NCOR2: variants seen among roughly 807,000 people sequenced by gnomAD.
NCOR2 encodes the protein CTG repeat protein 26.
NCOR2 carries 81 observed loss-of-function variants against 262.9 expected under a neutral mutation model. That is an observed-to-expected ratio of 0.31 (90% CI 0.26 to 0.37). The LOEUF is 0.37. Ranked by LOEUF, NCOR2 falls within the 10% of genes least tolerant of loss-of-function variation. The pLI, the probability that NCOR2 is intolerant of heterozygous loss-of-function variation, is 1.00. For synonymous variants in NCOR2, 1,659 were observed against 1,559.3 expected, an observed-to-expected ratio of 1.06 and a Z score of -1.51; for missense variants, 3,385 against 3,621.4, an observed-to-expected ratio of 0.93 and a Z score of 1.68.
rs572286300 is a variant in NCOR2, at chr12:124,410,182, C to T, written c.1483-7621G>A. The stretch of plus-strand genomic sequence containing the variant: ...TCCAGCAGCCCAGCTTGAGATGTCC[C>T]CCAGGCCCCCTCGATCCTGACCGAT... On this transcript the variant is annotated intron_variant, in intron 13 of 46. Transcript: ENST00000405201. 4.0e-5 allele frequency among the ~76,000 whole-genome samples: 6 copies of T among 149,000 alleles called. No individual in the cohort carries two copies. In the South Asian group the frequency reaches 1.4e-3, roughly 35 times the overall value.
At chr12:124,418,433 A>T (rs955901588) in intron 13 of NCOR2, among the ~76,000 whole-genome samples, 8 of 151,590 alleles carry the variant, frequency 5.3e-5, no homozygotes, top group Non-Finnish European at 7.4e-5. Context: ...GGCTGGTCTC[A>T]ACACCTTATG....
chr12:124,553,110 C>T (rs1344253430), intron 1 of NCOR2, among the ~76,000 whole-genome samples: 1 of 152,204 alleles, frequency 6.6e-6, no homozygotes, highest in Non-Finnish European at 1.5e-5. Context: ...CTGTCCATCA[C>T]CCTTTATGGC....
intron 16 of NCOR2, among the ~76,000 whole-genome samples, chr12:124,387,455 G>C (rs1297945089): frequency 3.3e-5 from 5 of 152,228 alleles, no homozygotes; most frequent in South Asian, 4.1e-4. Flanking sequence ...TCGGTTCAGA[G>C]GGTCCCGCCA....
intron 1 of NCOR2, chr12:124,556,407 C>A (rs1357126256): frequency 6.6e-6 from 1 of 152,326 alleles, no homozygotes; most frequent in African/African-American, 2.4e-5. Context: ...TGCTCTAGAA[C>A]CTGGGACACA....
rs1244065 is a variant in NCOR2 at position 124,347,928 on chromosome 12, G to A, written c.3986-17C>T. Reference sequence around the variant, plus strand: ...CCATGAGACCTGGGTAGGAGAGGGTGAGGCCATCATTCCGTGGCTCCCTGA... The same window carrying A: ...CCATGAGACCTGGGTAGGAGAGGGTAAGGCCATCATTCCGTGGCTCCCTGA... On this transcript the variant is annotated splice_polypyrimidine_tract_variant and intron_variant, in intron 29 of 46. Coordinates refer to ENST00000405201, the Ensembl canonical transcript of NCOR2. 0.83 allele frequency: 1,283,283 copies of A among 1,553,818 alleles called. 531,924 individuals are homozygous for A. Among genetic ancestry groups the A allele is most frequent in the Admixed American group, 0.87 (44,338 of 51,242 alleles).
At chr12:124,363,177 C>T (rs2038753042) in intron 21 of NCOR2, among the ~76,000 whole-genome samples, 1 of 152,246 alleles carries the variant, frequency 6.6e-6, no homozygotes, top group African/African-American at 2.4e-5. Context: ...CAAGGGACCA[C>T]CAGCCTGGTC....
In NCOR2 at chr12:124,403,679, C is replaced by T. The variant is rs531903017; in HGVS notation, c.1483-1118G>A. Reference sequence around the variant, plus strand: ...CAAACCAGGGAGCAAGAACTCCAAGCAGATGGAAGAGGAGGGATCGGGGAG... The same window carrying T: ...CAAACCAGGGAGCAAGAACTCCAAGTAGATGGAAGAGGAGGGATCGGGGAG... On this transcript the variant is annotated intron_variant, in intron 13 of 46. Transcript: ENST00000405201. 3.9e-5 allele frequency among the ~76,000 whole-genome samples: 6 copies of T among 152,310 alleles called. No homozygotes were observed. In the South Asian group the frequency reaches 1.2e-3, roughly 32 times the overall value.
At position 124,440,440 on chromosome 12, in the gene NCOR2, G is replaced by A. The variant is rs1343977237; in HGVS notation, c.816-2444C>T. Reference sequence around the variant, plus strand: ...TGGCCGCCGCCCCCCGGCCAGGGTGGGCCATGGGGGTCCTCAGTCCCACAG... The same window carrying A: ...TGGCCGCCGCCCCCCGGCCAGGGTGAGCCATGGGGGTCCTCAGTCCCACAG... On this transcript the variant is annotated intron_variant, in intron 7 of 46. Coordinates refer to ENST00000405201, the Ensembl canonical transcript of NCOR2. This position sits in a 1 kb window ranked among gnomAD's most constrained non-coding sequence, Gnocchi z 5.7. Among the ~76,000 whole-genome samples, 4 of 152,182 alleles carry A rather than the reference G, an allele frequency of 2.6e-5. No homozygotes were observed. Among genetic ancestry groups the A allele is most frequent in the Non-Finnish European group, 5.9e-5 (4 of 68,030 alleles).
In NCOR2 at chr12:124,516,427, C is replaced by T. The variant is rs7305706; in HGVS notation, c.-118+19138G>A. On this transcript the variant is annotated intron_variant, in intron 1 of 46. Transcript: ENST00000404621. ...CCAAACAAAGGCAGAGCCTGGGAAG[C>T]ACCCACTCGACCTACCTCCCATTAT... Among the ~76,000 whole-genome samples, 1,516 of 152,334 alleles carry T rather than the reference C, an allele frequency of 1.0e-2. 24 individuals carry two copies. Among genetic ancestry groups the T allele is most frequent in the African/African-American group, 0.034 (1,434 of 41,570 alleles).
rs3782273 is a variant in NCOR2, at chr12:124,437,803, C to T, written c.882+127G>A. 5.6e-5 allele frequency: 45 copies of T among 801,036 alleles called. No homozygotes were observed. In the East Asian group the frequency reaches 1.1e-3, roughly 19 times the overall value. 49.6% of individuals were successfully genotyped at this position (801,036 alleles called of 1,614,324 possible). On this transcript the variant is annotated intron_variant, in intron 8 of 46. Transcript: ENST00000405201. ...TCCTGGCCGGCCTTGGCTTTTCCTC[C>T]GCAGCCTGGACACTCAGGGAGGACA...
At chr12:124,387,196 T>TTTCATTCATTCA (rs373449303) in intron 16 of NCOR2, among the ~76,000 whole-genome samples, 2 of 147,568 alleles carry the variant, frequency 1.4e-5, no homozygotes, top group South Asian at 2.1e-4. Context: ...GTGTTGGTAT[T>TTTCATTCATTCA]TTCATTCATT....
chr12:124,532,189 G>A (rs1040491510), intron 1 of NCOR2, among the ~76,000 whole-genome samples: 1 of 152,112 alleles, frequency 6.6e-6, no homozygotes, highest in Non-Finnish European at 1.5e-5. Context: ...GCGAGTGTCG[G>A]CCCTGAGGTC....
chr12:124,451,986 T>TC (rs2045576915), intron 6 of NCOR2, among the ~76,000 whole-genome samples: 1 of 152,112 alleles, frequency 6.6e-6, no homozygotes, highest in Admixed American at 6.5e-5. Context: ...AATTCCAGGC[T>TC]CCTGCTCAGC....
intron 16 of NCOR2, among the ~76,000 whole-genome samples, chr12:124,394,415 C>T (rs2041524592): frequency 6.6e-6 from 1 of 152,214 alleles, no homozygotes; most frequent in Admixed American, 6.5e-5. Context: ...CACCAAAACC[C>T]CAGGAAGGTG....
At chr12:124,438,558 G>C (rs769954152) in intron 7 of NCOR2, among the ~76,000 whole-genome samples, 5 of 151,740 alleles carry the variant, frequency 3.3e-5, no homozygotes, top group South Asian at 2.1e-4. Flanking sequence ...AAACCCCCGG[G>C]CGGGGGCGGT....
At chr12:124,459,556 CCTGA>C (rs2046054332) in intron 5 of NCOR2, among the ~76,000 whole-genome samples, 1 of 152,136 alleles carries the variant, frequency 6.6e-6, no homozygotes. Flanking sequence ...ATCTGAGTCT[CCTGA>C]CTGAGTCTGG....
At position 124,460,456 on chromosome 12, in the gene NCOR2, A is replaced by G. The variant is rs113601064; in HGVS notation, c.706-3294T>C. On this transcript the variant is annotated intron_variant, in intron 5 of 46. Coordinates refer to ENST00000405201, the Ensembl canonical transcript of NCOR2. ...GGCCAGCGCTGGCCACCAAGCTGCT[A>G]TCGTCCAGCAGGGCCCAGCACAGGG... Among the ~76,000 whole-genome samples, 4 of 152,304 alleles carry G rather than the reference A, an allele frequency of 2.6e-5. 1 individual carries two copies. The highest frequency in any genetic ancestry group is 7.2e-5 in the African/African-American group (3 of 41,572).
At chr12:124,391,133 A>G (rs1470597555) in intron 16 of NCOR2, among the ~76,000 whole-genome samples, 1 of 152,244 alleles carries the variant, frequency 6.6e-6, no homozygotes, top group Admixed American at 6.5e-5. Context: ...GATGCCTCCA[A>G]GCTGCTTTTC....
intron 13 of NCOR2, among the ~76,000 whole-genome samples, chr12:124,415,767 C>G (rs1020741960): frequency 2.0e-5 from 3 of 152,176 alleles, no homozygotes; most frequent in Non-Finnish European, 4.4e-5. Context: ...CACGGCTAAA[C>G]CAGGACATCT....
Sources: allele counts gnomAD v4.1 joint callset (sites outside exome capture counted in the v4.1 genomes callset), GRCh38; gene constraint gnomAD v4.1.1; non-coding constraint Gnocchi (gnomAD v3.1); transcripts MANE v1.5; gene names NCBI Gene and HGNC (gene_info 2026-07-23, HGNC 2026-07-21).